Variants in KCNQ2 observed in about 807,000 individuals in gnomAD.
KCNQ2 encodes potassium voltage-gated channel subfamily KQT member 2.
KCNQ2 carries 14 observed loss-of-function variants against 84.8 expected under a neutral mutation model. That is an observed-to-expected ratio of 0.17 (90% CI 0.11 to 0.26). The LOEUF is 0.26. KCNQ2 is among the 10% of genes least tolerant of loss of function. The pLI is 1.00. For synonymous variants in KCNQ2, 599 were observed against 554.1 expected (o/e 1.08, Z -1.14); for missense variants, 788 against 1,254.0 (o/e 0.63, Z 5.61).
chr20:63,434,670 G>A (rs1277065551), intron 7 of KCNQ2: 5 of 152,214 alleles, frequency 3.3e-5, no homozygotes, highest in East Asian at 1.9e-4. Flanking sequence ...TCCCCGCCCC[G>A]GGCATTTCCT....
At position 63,406,139 on chromosome 20, in the gene KCNQ2, C is replaced by G. The variant is rs13039706; in HGVS notation, c.*505G>C. On this transcript the variant is annotated 3_prime_UTR_variant, in exon 17 of 17. Transcript: ENST00000359125. ...AGGTCAGGTGTGAAGGCAGAGGCCA[C>G]GCACAGCGGCCGGCCACACCCGCCT... The G allele has an allele frequency of 0.077, 12,416 of 161,702 alleles. 653 individuals are homozygous for G. Among genetic ancestry groups the G allele is most frequent in the South Asian group, 0.23 (1,242 of 5,446 alleles). The allele number at this position is 161,702 out of a possible 1,614,324, so 10.0% of individuals were successfully genotyped here.
rs779430808 is a variant in KCNQ2, at chr20:63,407,155, G to A, written c.2108C>T (p.Ala703Val). 1.2e-5 allele frequency: 19 copies of A among 1,589,194 alleles called. No homozygotes were observed. In the African/African-American group the frequency reaches 1.2e-4, roughly 10 times the overall value. The change falls in exon 17 of 17, where the codon GCG becomes GTG. Residue 703 changes from alanine to valine, a missense_variant. This residue lies in a region of KCNQ2 where 378 missense variants were observed against 434.5 expected (regional missense o/e 0.87). Transcript: ENST00000359125. The surrounding 1 kb of genome is among the most constrained non-coding windows in gnomAD (Gnocchi z 7.2). ...CTGGACAGGGGGCGCGGCCGGGGGC[G>A]CCGAGAAGTTCTTCTGGCCCGTGGA... ...SSSTGQKNFS[A>V]PPAAPPVQCP... is the part of the protein sequence containing the mutation.
chr20:63,411,733 G>A (rs543052980), intron 15 of KCNQ2: 18 of 581,974 alleles, frequency 3.1e-5, no homozygotes, highest in South Asian at 4.2e-5. Context: ...CGAAGGGGCC[G>A]GCCATTCCAC....
rs1338536415 is a variant in KCNQ2 at position 63,446,931 on chromosome 20, C to T, written c.297-94G>A. 27 of 1,088,002 alleles carry T rather than the reference C, an allele frequency of 2.5e-5. No individual in the cohort carries two copies. The highest frequency in any genetic ancestry group is 3.4e-5 in the Non-Finnish European group (24 of 703,396). 67.4% of individuals were successfully genotyped at this position (1,088,002 alleles called of 1,614,324 possible). On this transcript the variant is annotated intron_variant, in intron 1 of 16. Coordinates refer to ENST00000359125, the MANE Select transcript of KCNQ2 (RefSeq NM_172107.4). This position sits in a 1 kb window ranked among gnomAD's most constrained non-coding sequence, Gnocchi z 5.5. Reference sequence around the variant, plus strand: ...CTCAGGACCCCACTCCCCACCAGGCCGCAGCAGGGCACCAGCATGGCCGCG... The same window carrying T: ...CTCAGGACCCCACTCCCCACCAGGCTGCAGCAGGGCACCAGCATGGCCGCG...
chr20:63,410,136 A>T, intron 15 of KCNQ2: 1 of 197,152 alleles, frequency 5.1e-6, no homozygotes, highest in African/African-American at 2.4e-5. Context: ...GCGGGAGGGG[A>T]CCCTCTGGCT....
chr20:63,452,341 C>T (rs1416061091), intron 1 of KCNQ2, among the ~76,000 whole-genome samples: 5 of 152,250 alleles, frequency 3.3e-5, no homozygotes, highest in Non-Finnish European at 7.3e-5. Flanking sequence ...GCTGGAAACT[C>T]AGCACGACTT....
chr20:63,421,905 G>A (rs766248119), intron 11 of KCNQ2, among the ~76,000 whole-genome samples: 2 of 152,136 alleles, frequency 1.3e-5, no homozygotes, highest in Non-Finnish European at 2.9e-5. Context: ...CGCTTCCTCT[G>A]ACTCCAGCAC....
chr20:63,416,811 G>T (rs1156491046), intron 12 of KCNQ2, among the ~76,000 whole-genome samples: 1 of 151,660 alleles, frequency 6.6e-6, no homozygotes, highest in Non-Finnish European at 1.5e-5. Context: ...AGAGCCCACC[G>T]CGCCCGTCTG....
rs775722109 is a variant in KCNQ2, at chr20:63,472,157, C to A, written c.296+11G>T. The A allele has an allele frequency of 4.7e-6, 7 of 1,492,144 alleles. No individual in the cohort carries two copies. Among genetic ancestry groups the A allele is most frequent in the Non-Finnish European group, 6.3e-6 (7 of 1,119,478 alleles). The allele number at this position is 1,492,144 out of a possible 1,614,324, so 92.4% of individuals were successfully genotyped here. On this transcript the variant is annotated intron_variant, in intron 1 of 16. Transcript: ENST00000359125. The stretch of plus-strand genomic sequence containing the variant: ...ATGGGGGTCGCCACGGGGGCCCCGC[C>A]GGCCACTCACACGTAGGCGTGGTAG...
intron 9 of KCNQ2, among the ~76,000 whole-genome samples, chr20:63,430,996 G>C (rs995441944): frequency 3.3e-5 from 5 of 152,186 alleles, no homozygotes; most frequent in African/African-American, 9.7e-5. Flanking sequence ...ATGGAGGCAC[G>C]AGGGGAGCCA....
rs1306846267 is a variant in KCNQ2, at chr20:63,414,229, G to T, written c.1526-36C>A. The T allele has an allele frequency of 6.7e-7, 1 of 1,491,660 alleles. No individual in the cohort carries two copies. Among genetic ancestry groups the T allele is most frequent in the Non-Finnish European group, 9.3e-7 (1 of 1,070,028 alleles). 92.4% of individuals were successfully genotyped at this position (1,491,660 alleles called of 1,614,324 possible). On this transcript the variant is annotated intron_variant, in intron 13 of 16. Transcript: ENST00000359125. This position sits in a 1 kb window ranked among gnomAD's most constrained non-coding sequence, Gnocchi z 6.6. ...GGAGACAGGCCGTGAGGGGCCGAGG[G>T]GGCCGGGAGACCTATTCCCGGGGTC...
chr20:63,454,862 G>A (rs1382600806), intron 1 of KCNQ2, among the ~76,000 whole-genome samples: 1 of 152,228 alleles, frequency 6.6e-6, no homozygotes, highest in Non-Finnish European at 1.5e-5. Context: ...CCAAATGTGG[G>A]ACACTCCCTG....
rs550595322 is a variant in KCNQ2, at chr20:63,465,373, C to T, written c.296+6795G>A. On this transcript the variant is annotated intron_variant, in intron 1 of 16. Transcript: ENST00000359125. ...AACAGAGGGGCTTCTCAGGGCCCAC[C>T]CGCCTTGTGCTGGCCGCCTCCCTCA... Among the ~76,000 whole-genome samples the T allele has an allele frequency of 1.3e-5, 2 of 152,318 alleles. 1 individual carries two copies. The highest frequency in any genetic ancestry group is 4.1e-4 in the South Asian group (2 of 4,826).
intron 1 of KCNQ2, among the ~76,000 whole-genome samples, chr20:63,447,769 A>AT (rs557510072): frequency 2.0e-5 from 3 of 151,802 alleles, no homozygotes; most frequent in Admixed American, 6.6e-5. Flanking sequence ...TAATTTTTGT[A>AT]TTTTTTTAGT....
At chr20:63,442,692 T>TCACCATCACCAC (rs1568933788) in intron 4 of KCNQ2, among the ~76,000 whole-genome samples, 161 bp from the exon 5 acceptor site, 10 of 50,132 alleles carry the variant, frequency 2.0e-4, no homozygotes, top group Admixed American at 2.0e-4. Context: ...ACCATCACCA[T>TCACCATCACCAC]CACCACCATC....
At chr20:63,419,398 G>A (rs977215403) in intron 12 of KCNQ2, among the ~76,000 whole-genome samples, 6 of 152,226 alleles carry the variant, frequency 3.9e-5, no homozygotes, top group Non-Finnish European at 7.3e-5. Flanking sequence ...GCAGGACATC[G>A]CCTGGCGTGG....
intron 11 of KCNQ2, 35 bp from the exon 12 acceptor site, chr20:63,419,707 C>G (rs1217288593): frequency 8.2e-6 from 13 of 1,582,200 alleles, no homozygotes; most frequent in Non-Finnish European, 1.1e-5. Context: ...GTCCTGGGCG[C>G]CGGCAACAGC....
At chr20:63,440,539 A>G (rs1215674721) in intron 5 of KCNQ2, among the ~76,000 whole-genome samples, 1 of 152,212 alleles carries the variant, frequency 6.6e-6, no homozygotes, top group African/African-American at 2.4e-5. Flanking sequence ...CTAGGACCAG[A>G]AGGTGGGCCC....
rs1363582437 is a variant in KCNQ2 at position 63,425,517 on chromosome 20, C to T, written c.1218-1311G>A. On this transcript the variant is annotated intron_variant, in intron 10 of 16. Transcript: ENST00000359125. This position sits in a 1 kb window ranked among gnomAD's most constrained non-coding sequence, Gnocchi z 5.5. ...GGTGGATCACCTGAGGTCAGGAGTTCGAGACCAGCCTGACCAACATGGTGA... is the reference window on the plus strand; with the variant it reads ...GGTGGATCACCTGAGGTCAGGAGTTTGAGACCAGCCTGACCAACATGGTGA... Among the ~76,000 whole-genome samples, 2 of 151,962 alleles carry T rather than the reference C, an allele frequency of 1.3e-5. No individual in the cohort carries two copies. Among genetic ancestry groups the T allele is most frequent in the Non-Finnish European group, 2.9e-5 (2 of 67,992 alleles).
Sources: allele counts gnomAD v4.1 joint callset (sites outside exome capture counted in the v4.1 genomes callset), GRCh38; gene constraint gnomAD v4.1.1; regional missense constraint gnomAD v4.1.1; non-coding constraint Gnocchi (gnomAD v3.1); transcripts MANE v1.5; gene names NCBI Gene and HGNC (gene_info 2026-07-23, HGNC 2026-07-21).